Variants in NUB1 observed in about 807,000 individuals in gnomAD.
The protein encoded by NUB1 is NEDD8 ultimate buster 1.
Under a neutral mutation model 77.1 loss-of-function variants are expected in NUB1, and 41 were observed. That is an observed-to-expected ratio of 0.53 (90% CI 0.41 to 0.69). The LOEUF (loss-of-function observed/expected upper bound fraction) is 0.69. Ranked by LOEUF, NUB1 falls within the 30% of genes least tolerant of loss-of-function variation. The probability of loss-of-function intolerance (pLI) is 0.00; values close to 1 mark genes in which losing one functional copy is unlikely to be tolerated. For missense variants in NUB1, 643 were observed against 743.8 expected (o/e 0.86, Z 1.58); for synonymous variants, 257 against 281.0 (o/e 0.91, Z 0.85).
chr7:151,349,498 G>A lies in NUB1; in HGVS notation c.285+258G>A, dbSNP rs535477518. On this transcript the variant is annotated intron_variant, in intron 3 of 14. Transcript: ENST00000568733. ...GTCACATTCTGATCCTTTCTAGCGT[G>A]TGAACGTTGAGAAATAATGGGGAAT... Among the ~76,000 whole-genome samples, 8 of 152,328 alleles carry A rather than the reference G, an allele frequency of 5.3e-5. No homozygotes were observed. The South Asian group carries it at 8.3e-4, about 16-fold the overall frequency.
At position 151,360,012 on chromosome 7, in the gene NUB1, G is replaced by T. The variant is rs1346900694; in HGVS notation, c.694-129G>T. 6 of 522,520 alleles carry T rather than the reference G, an allele frequency of 1.1e-5. No individual in the cohort carries two copies. In the Admixed American group the frequency reaches 2.0e-4, roughly 17 times the overall value. The allele number at this position is 522,520 out of a possible 1,614,324, so 32.4% of individuals were successfully genotyped here. On this transcript the variant is annotated intron_variant, in intron 7 of 14. Transcript: ENST00000568733. Reference sequence around the variant, plus strand: ...ATTAATTATATTTTTCTTAATTTTGGCTTTTAGATTGAGTTATGATCTTGT... The same window carrying T: ...ATTAATTATATTTTTCTTAATTTTGTCTTTTAGATTGAGTTATGATCTTGT...
At chr7:151,347,605 A>T (rs1300414015) in intron 2 of NUB1, among the ~76,000 whole-genome samples, 1 of 152,114 alleles carries the variant, frequency 6.6e-6, no homozygotes, top group African/African-American at 2.4e-5. Context: ...CTACAGGTGC[A>T]TGCCACCATG....
intron 4 of NUB1, among the ~76,000 whole-genome samples, chr7:151,352,547 A>G (rs1417656075): frequency 3.3e-5 from 5 of 152,174 alleles, no homozygotes; most frequent in Admixed American, 1.3e-4. Context: ...GGTTCAAGCA[A>G]TCCTCCTACC....
intron 1 of NUB1, among the ~76,000 whole-genome samples, chr7:151,342,183 A>G (rs1258694637): frequency 6.6e-6 from 1 of 152,206 alleles, no homozygotes; most frequent in African/African-American, 2.4e-5. Flanking sequence ...CTTGAATCGT[A>G]ACACTCCGAG....
intron 1 of NUB1, among the ~76,000 whole-genome samples, chr7:151,342,847 A>AT (rs35218575): frequency 1.3e-5 from 2 of 151,828 alleles, no homozygotes; most frequent in African/African-American, 2.4e-5. Context: ...TTATTTGTTT[A>AT]TTTTTTTAGT....
At chr7:151,345,051 T>G (rs1187215788) in intron 1 of NUB1, among the ~76,000 whole-genome samples, 1 of 152,190 alleles carries the variant, frequency 6.6e-6, no homozygotes, top group Non-Finnish European at 1.5e-5. Context: ...TTCTCTTATT[T>G]TCTCTTTTCT....
At chr7:151,374,775 T>G (rs561364240) in intron 12 of NUB1, among the ~76,000 whole-genome samples, 12 of 152,252 alleles carry the variant, frequency 7.9e-5, no homozygotes, top group African/African-American at 2.9e-4. Context: ...GCATATCGAA[T>G]CCTCAGTAGG....
intron 1 of NUB1, among the ~76,000 whole-genome samples, chr7:151,344,631 T>C (rs188078005): frequency 6.6e-6 from 1 of 151,978 alleles, no homozygotes; most frequent in Non-Finnish European, 1.5e-5. Context: ...ATATTTATTA[T>C]CGATAGTTTA....
At chr7:151,364,499 G>C (rs766543694) in intron 8 of NUB1, among the ~76,000 whole-genome samples, 10 of 151,430 alleles carry the variant, frequency 6.6e-5, no homozygotes, top group Non-Finnish European at 1.5e-4. Context: ...TTAAATAACC[G>C]ACTTAAGCTC....
intron 12 of NUB1, 183 bp downstream of exon 12, chr7:151,374,426 C>A (rs1798112325): frequency 5.2e-6 from 4 of 776,594 alleles, no homozygotes; most frequent in Non-Finnish European, 8.5e-6. Context: ...CCACGTGAGG[C>A]CCCATGCTCA....
intron 4 of NUB1, chr7:151,352,082 G>A: frequency 2.2e-6 from 1 of 456,520 alleles, no homozygotes; most frequent in South Asian, 1.5e-5. Context: ...TCCTTCTTTG[G>A]TCTACATCAG....
intron 1 of NUB1, among the ~76,000 whole-genome samples, chr7:151,342,356 T>A (rs546188462): frequency 6.6e-6 from 1 of 152,214 alleles, no homozygotes; most frequent in South Asian, 2.1e-4. Flanking sequence ...AAAAAATGAA[T>A]GTGTCTTGAC....
chr7:151,376,923 C>T, intron 14 of NUB1, 112 bp downstream of exon 14: 1 of 1,431,550 alleles, frequency 7.0e-7, no homozygotes, highest in Non-Finnish European at 9.3e-7. Context: ...CCCCTGACGT[C>T]ACCGGGCCGG....
chr7:151,351,595 T>C (rs1290061413), intron 4 of NUB1, 113 bp downstream of exon 4: 3 of 737,224 alleles, frequency 4.1e-6, no homozygotes, highest in Admixed American at 3.1e-5. Context: ...ATCTTCATTT[T>C]ATAAAAGAGA....
At chr7:151,362,232 T>C (rs1468188598) in intron 8 of NUB1, among the ~76,000 whole-genome samples, 1 of 152,196 alleles carries the variant, frequency 6.6e-6, no homozygotes, top group Non-Finnish European at 1.5e-5. Flanking sequence ...TCTTTCTAAG[T>C]AGAGAAAGTT....
chr7:151,372,567 TA>T (rs202008318), intron 11 of NUB1, among the ~76,000 whole-genome samples: 11 of 152,124 alleles, frequency 7.2e-5, no homozygotes, highest in Admixed American at 2.0e-4. Context: ...TATGTGTAAA[TA>T]AAAGTGCAAA....
rs773425506 is a variant in NUB1, at chr7:151,375,928, G to A, written c.1476G>A (p.Gln492=). 6.2e-7 allele frequency: 1 copy of A among 1,611,354 alleles called. No individual in the cohort carries two copies. Among genetic ancestry groups the A allele is most frequent in the South Asian group, 1.1e-5 (1 of 91,030 alleles). Residue 492 remains glutamine (Q), a synonymous_variant, in exon 13 of 15, where the codon CAG becomes CAA. Transcript: ENST00000568733. ...ACAACCGTCAAGAAAGTCCTTCCCA[G>A]GAAAACATTGACCGAGTGAGTGACA... is the stretch of plus-strand genomic sequence containing the variant. ...ETDNRQESPS[Q]ENIDRLVYMG... is the part of the protein sequence containing the mutation.
At chr7:151,356,418 A>C (rs1797065434) in intron 7 of NUB1, among the ~76,000 whole-genome samples, 196 bp downstream of exon 7, 1 of 152,228 alleles carries the variant, frequency 6.6e-6, no homozygotes, top group Non-Finnish European at 1.5e-5. Flanking sequence ...TCAGCGCATT[A>C]GTACAAAATG....
At chr7:151,342,952 G>C (rs1191238437) in intron 1 of NUB1, among the ~76,000 whole-genome samples, 1 of 152,132 alleles carries the variant, frequency 6.6e-6, no homozygotes, top group South Asian at 2.1e-4. Context: ...GGGATTACAG[G>C]TGTGAGCCAC....
Sources: gnomAD v4.1 joint callset for allele counts (sites outside exome capture counted in the v4.1 genomes callset) on GRCh38, gnomAD v4.1.1 for gene constraint, MANE v1.5 for transcripts, NCBI Gene and HGNC (gene_info 2026-07-23, HGNC 2026-07-21) for gene names.